KSR2: variants seen among roughly 807,000 people sequenced by gnomAD.
KSR2 encodes the protein kinase suppressor of ras 2.
In KSR2, 25 loss-of-function variants were observed where a neutral mutation model predicts 107.8. The ratio of observed to expected loss-of-function variants is 0.23; its 90% CI spans 0.17 to 0.32. The LOEUF is 0.32. Ranked by LOEUF, KSR2 falls within the 10% of genes least tolerant of loss-of-function variation. KSR2 has a pLI of 1.00. For synonymous variants in KSR2, 480 were observed against 507.0 expected (o/e 0.95, Z 0.71); for missense variants, 887 against 1,268.9 (o/e 0.70, Z 4.57).
At chr12:117,768,872 A>T (rs1473356672) in intron 3 of KSR2, among the ~76,000 whole-genome samples, 1 of 152,258 alleles carries the variant, frequency 6.6e-6, no homozygotes, top group African/African-American at 2.4e-5. Context: ...GCTCGAGGCC[A>T]CAGAGCCTTG....
chr12:117,905,442 A>G (rs970194249), intron 1 of KSR2, among the ~76,000 whole-genome samples: 2 of 152,186 alleles, frequency 1.3e-5, no homozygotes, highest in Non-Finnish European at 1.5e-5. Context: ...CTCCAGCCCC[A>G]AATCACTTCA....
chr12:117,489,855 C>G (rs1352355444), intron 14 of KSR2, among the ~76,000 whole-genome samples: 1 of 152,168 alleles, frequency 6.6e-6, no homozygotes, highest in African/African-American at 2.4e-5. Context: ...GCTAGGGCGG[C>G]CCCGGCAAGT....
rs1387181960 is a variant in KSR2 at position 117,772,559 on chromosome 12, CAA to C, written c.473-11037_473-11036del. ...TACACACCATTCCACCAAAGACGCA[CAA>C]ACACACACTCATACACACACACCAT... On this transcript the variant is annotated intron_variant, in intron 3 of 19. Coordinates refer to ENST00000339824, the MANE Select transcript of KSR2 (RefSeq NM_173598.6). Among the ~76,000 whole-genome samples, 5 of 147,326 alleles carry C rather than the reference CAA, an allele frequency of 3.4e-5. No individual in the cohort carries two copies. In the East Asian group the frequency reaches 6.4e-4, roughly 19 times the overall value.
chr12:117,556,183 C>A (rs1416618692), intron 8 of KSR2, among the ~76,000 whole-genome samples: 11 of 148,528 alleles, frequency 7.4e-5, no homozygotes, highest in Admixed American at 5.3e-4. Flanking sequence ...CAGACACCTG[C>A]CACCTTTGAA....
chr12:117,758,245 G>C (rs1337045414), intron 4 of KSR2, among the ~76,000 whole-genome samples: 1 of 152,072 alleles, frequency 6.6e-6, no homozygotes, highest in Non-Finnish European at 1.5e-5. Flanking sequence ...CTAATAATTG[G>C]GACTCACCTC....
At chr12:117,559,117 G>A (rs1367992693) in intron 7 of KSR2, among the ~76,000 whole-genome samples, 2 of 152,068 alleles carry the variant, frequency 1.3e-5, no homozygotes, top group African/African-American at 4.8e-5. Flanking sequence ...GTGGATAGAT[G>A]GGATGCCCCC....
chr12:117,779,676 A>T (rs1271122174), intron 3 of KSR2, among the ~76,000 whole-genome samples: 1 of 152,120 alleles, frequency 6.6e-6, no homozygotes, highest in African/African-American at 2.4e-5. Flanking sequence ...CTGATGCTTT[A>T]AAAGTGTTTA....
In KSR2 at chr12:117,679,303, T is replaced by G. The variant is rs117352720; in HGVS notation, c.987-11645A>C. On this transcript the variant is annotated intron_variant, in intron 4 of 19. Transcript: ENST00000339824. ...CCAGCTCCCCATGTGCATTAACTCA[T>G]GCGGTCCTCACAACAACCCTACAAG... Among the ~76,000 whole-genome samples the G allele has an allele frequency of 2.0e-3, 306 of 152,306 alleles. 4 individuals carry two copies. The highest frequency in any genetic ancestry group is 0.02 in the East Asian group (104 of 5,180).
At chr12:117,794,126 A>ACACCAACATGCACACT in intron 3 of KSR2, among the ~76,000 whole-genome samples, 1 of 129,000 alleles carries the variant, frequency 7.8e-6, no homozygotes, top group Non-Finnish European at 1.6e-5. Flanking sequence ...ATGCACACTC[A>ACACCAACATGCACACT]CACCAACATG....
At chr12:117,865,521 CTTCTT>C (rs1043992011) in intron 1 of KSR2, among the ~76,000 whole-genome samples, 2 of 152,110 alleles carry the variant, frequency 1.3e-5, no homozygotes, top group East Asian at 1.9e-4. Context: ...GCTTTATCAA[CTTCTT>C]TTCTTTTCTT....
At chr12:117,794,686 C>G (rs1890554198) in intron 3 of KSR2, among the ~76,000 whole-genome samples, 1 of 151,052 alleles carries the variant, frequency 6.6e-6, no homozygotes, top group African/African-American at 2.4e-5. Context: ...CTCATACCAA[C>G]AGGCACACAC....
intron 12 of KSR2, among the ~76,000 whole-genome samples, 183 bp from the exon 13 acceptor site, chr12:117,527,302 GACACACAC>G (rs754390805): frequency 1.3e-4 from 9 of 67,746 alleles, no homozygotes; most frequent in East Asian, 5.9e-4. Flanking sequence ...CACACACACA[GACACACAC>G]ACACACACAC....
chr12:117,491,720 C>A (rs1305247152), intron 14 of KSR2, among the ~76,000 whole-genome samples: 2 of 152,202 alleles, frequency 1.3e-5, no homozygotes, highest in African/African-American at 4.8e-5. Flanking sequence ...CTTCGACATG[C>A]TGATTTCCGT....
chr12:117,574,458 C>T (rs1243560575), intron 7 of KSR2, among the ~76,000 whole-genome samples: 2 of 152,054 alleles, frequency 1.3e-5, no homozygotes, highest in East Asian at 1.9e-4. Context: ...GCTGGGGAGG[C>T]CTCATAATCA....
In KSR2 at chr12:117,491,871, T is replaced by C. The variant is rs540606365; in HGVS notation, c.2220-6180A>G. Among the ~76,000 whole-genome samples, 92 of 152,340 alleles carry C rather than the reference T, an allele frequency of 6.0e-4. 1 individual carries two copies. Among genetic ancestry groups the C allele is most frequent in the Admixed American group, 4.4e-3 (68 of 15,302 alleles). On this transcript the variant is annotated intron_variant, in intron 14 of 19. Transcript: ENST00000339824. The stretch of plus-strand genomic sequence containing the variant: ...TGAGTCTCTGGCATGTCATAAGCCC[T>C]CAGAAAGTGGTAGCTGTAATGTCAC...
intron 5 of KSR2, among the ~76,000 whole-genome samples, chr12:117,621,618 T>C (rs1949379): frequency 0.041 from 6,170 of 152,206 alleles, 329 homozygotes; most frequent in African/African-American, 0.12. Flanking sequence ...TAAATGCATG[T>C]CATCAACACA....
chr12:117,587,596 C>A (rs939543889), intron 5 of KSR2, among the ~76,000 whole-genome samples: 1 of 152,188 alleles, frequency 6.6e-6, no homozygotes, highest in Non-Finnish European at 1.5e-5. Flanking sequence ...AGTTGGTGGC[C>A]GTTTGTCACA....
At chr12:117,530,162 T>C (rs1457004086) in intron 12 of KSR2, among the ~76,000 whole-genome samples, 3 of 152,184 alleles carry the variant, frequency 2.0e-5, no homozygotes, top group Admixed American at 2.0e-4. Flanking sequence ...CTATGTAAAA[T>C]ATAAATGGAA....
At chr12:117,670,022 A>G (rs1482886085) in intron 4 of KSR2, among the ~76,000 whole-genome samples, 1 of 152,132 alleles carries the variant, frequency 6.6e-6, no homozygotes, top group East Asian at 1.9e-4. Flanking sequence ...CTTCCTTGCC[A>G]ACAGATTATT....
Sources: allele counts gnomAD v4.1 joint callset (sites outside exome capture counted in the v4.1 genomes callset), GRCh38; gene constraint gnomAD v4.1.1; transcripts MANE v1.5; gene names NCBI Gene and HGNC (gene_info 2026-07-23, HGNC 2026-07-21).